The following CCDC178 variants were observed in gnomAD, a reference collection of about 807,000 sequenced individuals.
CCDC178 encodes coiled-coil domain containing 178.
CCDC178 carries 126 observed loss-of-function variants against 117.4 expected under a neutral mutation model. The observed-to-expected ratio is 1.07, with a 90% confidence interval of 0.93 to 1.24. The LOEUF is 1.24. CCDC178 is among the 50% of genes most tolerant of loss of function. The pLI is 0.00. For synonymous variants in CCDC178, 283 were observed against 313.4 expected (o/e 0.90, Z 1.02); for missense variants, 1,030 against 986.9 (o/e 1.04, Z -0.59).
chr18:33,116,234 T>C (rs2057854287), intron 20 of CCDC178, among the ~76,000 whole-genome samples: 1 of 152,108 alleles, frequency 6.6e-6, no homozygotes, highest in African/African-American at 2.4e-5. Context: ...GGGTCATAAC[T>C]GTGGTGGCCA....
At chr18:33,258,791 A>C (rs1475295916) in intron 14 of CCDC178, among the ~76,000 whole-genome samples, 1 of 152,166 alleles carries the variant, frequency 6.6e-6, no homozygotes, top group Non-Finnish European at 1.5e-5. Context: ...TAGTTATGTT[A>C]TTAAATTGCT....
intron 20 of CCDC178, among the ~76,000 whole-genome samples, chr18:33,161,662 C>A (rs2058465414): frequency 6.6e-6 from 1 of 152,108 alleles, no homozygotes; most frequent in South Asian, 2.1e-4. Flanking sequence ...CCTATCCATT[C>A]ACAATTACCT....
chr18:32,950,535 G>A (rs111280686), intron 22 of CCDC178, among the ~76,000 whole-genome samples: 7 of 152,228 alleles, frequency 4.6e-5, no homozygotes, highest in South Asian at 2.1e-4. Flanking sequence ...TGTCTCATTC[G>A]ATTTCGTTTA....
intron 18 of CCDC178, among the ~76,000 whole-genome samples, chr18:33,216,874 G>C (rs1251904054): frequency 2.0e-5 from 3 of 151,968 alleles, no homozygotes; most frequent in Non-Finnish European, 2.9e-5. Context: ...TTATTTGGGT[G>C]GGGGTGGAAG....
chr18:33,153,498 T>C (rs112029379), intron 20 of CCDC178, among the ~76,000 whole-genome samples: 1 of 152,120 alleles, frequency 6.6e-6, no homozygotes, highest in African/African-American at 2.4e-5. Flanking sequence ...ATGTATCTTA[T>C]ATATTATGTC....
At chr18:33,406,224 G>A (rs916309295) in intron 3 of CCDC178, among the ~76,000 whole-genome samples, 3 of 152,006 alleles carry the variant, frequency 2.0e-5, no homozygotes, top group Middle Eastern at 3.4e-3. Flanking sequence ...AATTGTAAAC[G>A]GGCTTAAATC....
At chr18:32,989,067 C>T (rs1389907914) in intron 21 of CCDC178, among the ~76,000 whole-genome samples, 1 of 152,100 alleles carries the variant, frequency 6.6e-6, no homozygotes, top group Admixed American at 6.6e-5. Flanking sequence ...TGTATGCCAA[C>T]TCTTTCAGAA....
chr18:33,397,088 A>C, intron 4 of CCDC178, 61 bp downstream of exon 4: 1 of 1,103,356 alleles, frequency 9.1e-7, no homozygotes, highest in Non-Finnish European at 1.3e-6. Flanking sequence ...TAATTTTTTG[A>C]AAACAATTAA....
Position 33,412,094 on chromosome 18 carries a change from T to G in CCDC178, c.-6A>C, listed in dbSNP as rs1286000502. The G allele has an allele frequency of 1.4e-6, 2 of 1,404,910 alleles. No individual in the cohort carries two copies. The highest frequency in any genetic ancestry group is 2.8e-5 in the African/African-American group (2 of 70,290). The allele number at this position is 1,404,910 out of a possible 1,614,324, so 87.0% of individuals were successfully genotyped here. On this transcript the variant is annotated 5_prime_UTR_variant, in exon 3 of 23. Coordinates refer to ENST00000383096, the MANE Select transcript of CCDC178 (RefSeq NM_001105528.4). Reference sequence around the variant, plus strand: ...ACTGTCTTGTTTTCAGTCATAGTTATAAGAATATTTTAAAACCTAATTAGA... The same window carrying G: ...ACTGTCTTGTTTTCAGTCATAGTTAGAAGAATATTTTAAAACCTAATTAGA...
At chr18:33,166,756 G>C (rs1464401329) in intron 20 of CCDC178, among the ~76,000 whole-genome samples, 3 of 152,130 alleles carry the variant, frequency 2.0e-5, no homozygotes, top group Admixed American at 6.6e-5. Context: ...TGACTTTTAC[G>C]TAAAAATTCA....
At chr18:33,359,617 T>C (rs1294644535) in intron 6 of CCDC178, among the ~76,000 whole-genome samples, 1 of 151,670 alleles carries the variant, frequency 6.6e-6, no homozygotes, top group African/African-American at 2.4e-5. Flanking sequence ...TTCCTGATTA[T>C]AATTAAGCTT....
chr18:33,126,724 T>C (rs1398283956), intron 20 of CCDC178, among the ~76,000 whole-genome samples: 1 of 152,000 alleles, frequency 6.6e-6, no homozygotes, highest in East Asian at 1.9e-4. Flanking sequence ...AGTGGCGCCA[T>C]CTCAGCTCAC....
At chr18:33,352,431 T>C (rs775824281) in intron 7 of CCDC178, among the ~76,000 whole-genome samples, 20 of 152,300 alleles carry the variant, frequency 1.3e-4, no homozygotes, top group Non-Finnish European at 2.5e-4. Flanking sequence ...CATTTATTTC[T>C]ACTTTAACCT....
intron 21 of CCDC178, among the ~76,000 whole-genome samples, chr18:32,982,165 G>A (rs2055167272): frequency 6.6e-6 from 1 of 151,754 alleles, no homozygotes; most frequent in Non-Finnish European, 1.5e-5. Context: ...AGAGACATAT[G>A]GTACCAAAAA....
At chr18:33,346,519 G>A (rs1284393855) in intron 8 of CCDC178, 108 bp from the exon 9 acceptor site, 2 of 464,942 alleles carry the variant, frequency 4.3e-6, no homozygotes, top group South Asian at 9.2e-5. Context: ...TATTTAATAA[G>A]AGAATGTTAG....
intron 20 of CCDC178, among the ~76,000 whole-genome samples, chr18:33,173,524 C>T (rs776834801): frequency 2.6e-5 from 4 of 152,132 alleles, no homozygotes; most frequent in Non-Finnish European, 4.4e-5. Context: ...AACAGATGTC[C>T]TCTCTTAGGG....
intron 21 of CCDC178, among the ~76,000 whole-genome samples, chr18:33,044,979 C>T (rs1245539961): frequency 6.6e-6 from 1 of 151,988 alleles, no homozygotes; most frequent in Non-Finnish European, 1.5e-5. Flanking sequence ...TATGGACATA[C>T]AGAGCAGACA....
At chr18:33,325,399 A>C (rs1042374650) in intron 10 of CCDC178, among the ~76,000 whole-genome samples, 36 of 152,000 alleles carry the variant, frequency 2.4e-4, no homozygotes, top group Non-Finnish European at 3.4e-4. Context: ...CTTCTCTTAC[A>C]CTGAAGAATT....
chr18:33,314,920 A>C (rs565917221), intron 11 of CCDC178, among the ~76,000 whole-genome samples: 1 of 152,326 alleles, frequency 6.6e-6, no homozygotes, highest in South Asian at 2.1e-4. Flanking sequence ...GCTCAAAATG[A>C]TCCACAGGAA....
Sources: allele counts gnomAD v4.1 joint callset (sites outside exome capture counted in the v4.1 genomes callset), GRCh38; gene constraint gnomAD v4.1.1; transcripts MANE v1.5; gene names NCBI Gene and HGNC (gene_info 2026-07-23, HGNC 2026-07-21).